Variants in PRICKLE1 observed in about 807,000 individuals in gnomAD.
PRICKLE1 encodes prickle-like protein 1.
In PRICKLE1, 14 loss-of-function variants were observed where a neutral mutation model predicts 70.2. The ratio of observed to expected loss-of-function variants is 0.20; its 90% CI spans 0.13 to 0.31. The LOEUF (loss-of-function observed/expected upper bound fraction) is 0.31. Ranked by LOEUF, PRICKLE1 falls within the 10% of genes least tolerant of loss-of-function variation. The probability of loss-of-function intolerance (pLI) is 1.00; values close to 1 mark genes in which losing one functional copy is unlikely to be tolerated. For missense variants in PRICKLE1, 821 were observed against 1,026.2 expected (o/e 0.80, Z 2.73); for synonymous variants, 357 against 379.9 (o/e 0.94, Z 0.70).
intron 1 of PRICKLE1, among the ~76,000 whole-genome samples, chr12:42,534,062 C>T (rs983839925): frequency 6.6e-6 from 1 of 152,158 alleles, no homozygotes; most frequent in Non-Finnish European, 1.5e-5. Flanking sequence ...ATGATCAAAA[C>T]TCCTACTTAT....
chr12:42,470,834 A>G (rs997402997), intron 2 of PRICKLE1, among the ~76,000 whole-genome samples: 1 of 151,746 alleles, frequency 6.6e-6, no homozygotes, highest in African/African-American at 2.4e-5. Context: ...TGAACCTGGG[A>G]GGCAGAGGTT....
intron 1 of PRICKLE1, among the ~76,000 whole-genome samples, chr12:42,504,225 T>G (rs1337809627): frequency 6.6e-6 from 1 of 152,080 alleles, no homozygotes; most frequent in Non-Finnish European, 1.5e-5. Flanking sequence ...CAGAAAAGGC[T>G]CAGAGGCACC....
chr12:42,588,831 G>A (rs1365977685), intron 1 of PRICKLE1, among the ~76,000 whole-genome samples: 2 of 152,160 alleles, frequency 1.3e-5, no homozygotes, highest in Non-Finnish European at 1.5e-5. Context: ...ACAGCTTTCT[G>A]CTGCATCCTG....
chr12:42,558,956 A>G (rs1459964345), intron 1 of PRICKLE1, among the ~76,000 whole-genome samples: 1 of 152,260 alleles, frequency 6.6e-6, no homozygotes, highest in Non-Finnish European at 1.5e-5. Flanking sequence ...ATGATTGTAT[A>G]AATTTTTCAT....
chr12:42,496,379 C>G (rs1309905641), intron 1 of PRICKLE1, among the ~76,000 whole-genome samples: 1 of 152,182 alleles, frequency 6.6e-6, no homozygotes, highest in Non-Finnish European at 1.5e-5. Context: ...AGACCACAGA[C>G]AGAGTAGATT....
chr12:42,486,138 G>A (rs148157850), intron 1 of PRICKLE1, among the ~76,000 whole-genome samples: 59 of 152,274 alleles, frequency 3.9e-4, no homozygotes, highest in African/African-American at 1.3e-3. Context: ...TGGTTCCCTC[G>A]CTCCATCCTG....
chr12:42,499,484 G>T (rs960927216), intron 1 of PRICKLE1, among the ~76,000 whole-genome samples: 1 of 150,366 alleles, frequency 6.7e-6, no homozygotes, highest in East Asian at 1.9e-4. Flanking sequence ...GCAGTGGTAC[G>T]ATCTCAGCTG....
chr12:42,470,204 T>G, intron 3 of PRICKLE1, 42 bp downstream of exon 3: 1 of 1,386,158 alleles, frequency 7.2e-7, no homozygotes, highest in Non-Finnish European at 1.0e-6. Flanking sequence ...CTCATGCATT[T>G]TTTCTTCTTT....
chr12:42,569,499 C>T (rs568841328), intron 1 of PRICKLE1, among the ~76,000 whole-genome samples: 61 of 152,250 alleles, frequency 4.0e-4, no homozygotes, highest in African/African-American at 1.3e-3. Context: ...GTGAGCAAGT[C>T]GGTTTAAGCA....
chr12:42,582,868 G>A (rs187155376), intron 1 of PRICKLE1, among the ~76,000 whole-genome samples: 3 of 152,164 alleles, frequency 2.0e-5, no homozygotes, highest in Admixed American at 6.5e-5. Flanking sequence ...TATGTTTCAT[G>A]TGTGGCCCAA....
At chr12:42,552,454 T>C (rs1391904132) in intron 1 of PRICKLE1, among the ~76,000 whole-genome samples, 1 of 152,216 alleles carries the variant, frequency 6.6e-6, no homozygotes, top group African/African-American at 2.4e-5. Flanking sequence ...AGTAAGACAA[T>C]GTATGAAAAG....
rs113411095 is a variant in PRICKLE1, at chr12:42,472,701, C to A, written c.-48-137G>T. ...AGTAACCAAATTACTACTGTCACCA[C>A]CCCCAGGCCCCAGGCCCCCTGAAAT... On this transcript the variant is annotated intron_variant, in intron 1 of 7. Coordinates refer to ENST00000345127, the MANE Select transcript of PRICKLE1 (RefSeq NM_153026.3). The A allele has an allele frequency of 3.0e-3, 2,138 of 702,128 alleles. 34 individuals are homozygous for A. In the African/African-American group the frequency reaches 0.034, roughly 11 times the overall value. 43.5% of individuals were successfully genotyped at this position (702,128 alleles called of 1,614,324 possible).
chr12:42,518,695 C>T (rs1384055909), intron 1 of PRICKLE1, among the ~76,000 whole-genome samples: 2 of 152,112 alleles, frequency 1.3e-5, no homozygotes, highest in East Asian at 3.9e-4. Flanking sequence ...AATTTAATCC[C>T]ATTGTAATTT....
chr12:42,466,884 CTT>C (rs1938114315), intron 5 of PRICKLE1, among the ~76,000 whole-genome samples: 1 of 152,178 alleles, frequency 6.6e-6, no homozygotes, highest in African/African-American at 2.4e-5. Context: ...ATTAAGGACT[CTT>C]TATTTTTTTG....
intron 7 of PRICKLE1, chr12:42,463,578 G>C (rs1336032171): frequency 6.6e-6 from 1 of 152,204 alleles, no homozygotes; most frequent in Non-Finnish European, 1.5e-5. Flanking sequence ...AAATTAGCCA[G>C]GTATGGTGGT....
intron 1 of PRICKLE1, among the ~76,000 whole-genome samples, chr12:42,503,964 A>G (rs1939359813): frequency 6.6e-6 from 1 of 152,156 alleles, no homozygotes; most frequent in Non-Finnish European, 1.5e-5. Flanking sequence ...TTTGAGACCA[A>G]CTTTAGCTTA....
rs573190646 is a variant in PRICKLE1, at chr12:42,530,960, C to T, written c.-48-58396G>A. 2.6e-4 allele frequency among the ~76,000 whole-genome samples: 39 copies of T among 151,244 alleles called. 1 individual carries two copies. The South Asian group carries it at 6.3e-3, about 24-fold the overall frequency. On this transcript the variant is annotated intron_variant, in intron 1 of 7. Transcript: ENST00000345127. ...TGCTGGGATTACAGGCATAAGCCAC[C>T]GTGCCCAGCCATCAGATTAATTTTA...
At chr12:42,491,891 C>G (rs1297921153) in intron 1 of PRICKLE1, among the ~76,000 whole-genome samples, 3 of 147,160 alleles carry the variant, frequency 2.0e-5, no homozygotes, top group African/African-American at 7.6e-5. Flanking sequence ...TCAAGTGATT[C>G]TCCTGCCTCA....
At chr12:42,523,120 C>T (rs1939741638) in intron 1 of PRICKLE1, among the ~76,000 whole-genome samples, 1 of 152,120 alleles carries the variant, frequency 6.6e-6, no homozygotes, top group Non-Finnish European at 1.5e-5. Context: ...TGCCACCATG[C>T]CAGGCTAATT....
Sources: allele counts gnomAD v4.1 joint callset (sites outside exome capture counted in the v4.1 genomes callset), GRCh38; gene constraint gnomAD v4.1.1; transcripts MANE v1.5; gene names NCBI Gene and HGNC (gene_info 2026-07-23, HGNC 2026-07-21).